Variants in ACP6 observed in about 807,000 individuals in gnomAD.
ACP6 encodes acid phosphatase 6, lysophosphatidic, also known as lysophosphatidic acid phosphatase type 6.
ACP6 carries 48 observed loss-of-function variants against 48.1 expected under a neutral mutation model. The observed-to-expected ratio is 1.00, with a 90% CI of 0.79 to 1.27. ACP6 has a LOEUF of 1.27. Ranked by LOEUF, ACP6 falls within the 50% of genes most tolerant of loss-of-function variation. ACP6 has a pLI of 0.00. For missense variants in ACP6, 485 were observed against 529.1 expected, an observed-to-expected ratio of 0.92 and a Z score of 0.82; for synonymous variants, 172 against 204.2, an observed-to-expected ratio of 0.84 and a Z score of 1.34.
rs1659560501 is a variant in ACP6, at chr1:147,644,697, A to C, written c.*2726T>G. The C allele has an allele frequency of 6.6e-6, 1 of 152,246 alleles. No individual in the cohort carries two copies. The highest frequency in any genetic ancestry group is 2.4e-5 in the African/African-American group (1 of 41,460). The allele number at this position is 152,246 out of a possible 1,614,324, so 9.4% of individuals were successfully genotyped here. A position where few individuals can be genotyped will look rare whatever the true frequency, so the allele number is the denominator to read the frequency against. ...AGTAGAGGTAGGATATGAGAAAAAGAGGGGAGTCAAGGGCAGTTCTAAAGT... is the reference window on the plus strand; with the variant it reads ...AGTAGAGGTAGGATATGAGAAAAAGCGGGGAGTCAAGGGCAGTTCTAAAGT... On this transcript the variant is annotated 3_prime_UTR_variant, in exon 10 of 10. Coordinates refer to ENST00000583509, the MANE Select transcript of ACP6 (RefSeq NM_016361.5).
At chr1:147,661,010 G>A (rs1660519832) in intron 1 of ACP6, among the ~76,000 whole-genome samples, 1 of 152,190 alleles carries the variant, frequency 6.6e-6, no homozygotes, top group Admixed American at 6.5e-5. Flanking sequence ...CATTGAGCAA[G>A]TCTATCAGTG....
chr1:147,662,088 C>T (rs1553212879), intron 1 of ACP6, among the ~76,000 whole-genome samples: 1 of 152,216 alleles, frequency 6.6e-6, no homozygotes, highest in Admixed American at 6.5e-5. Context: ...CTGTTTACAG[C>T]ATGGTCTACT....
intron 6 of ACP6, among the ~76,000 whole-genome samples, chr1:147,653,346 G>C (rs1223545772): frequency 6.6e-6 from 1 of 151,702 alleles, no homozygotes; most frequent in Non-Finnish European, 1.5e-5. Context: ...GGCCAGGCTG[G>C]TCTCGAACTC....
chr1:147,657,370 T>C (rs981091582), intron 4 of ACP6, among the ~76,000 whole-genome samples: 2 of 152,188 alleles, frequency 1.3e-5, no homozygotes, highest in Non-Finnish European at 2.9e-5. Context: ...CCTAAAGCAA[T>C]ATCCCAAAGT....
At chr1:147,636,467 T>C (rs782413047) in intron 5 of ACP6, among the ~76,000 whole-genome samples, 13 of 152,162 alleles carry the variant, frequency 8.5e-5, no homozygotes, top group Non-Finnish European at 1.6e-4. Flanking sequence ...AAAGGTGCCA[T>C]GTGTGATGAA....
At chr1:147,663,014 G>A (rs587637311) in intron 1 of ACP6, among the ~76,000 whole-genome samples, 1 of 152,268 alleles carries the variant, frequency 6.6e-6, no homozygotes, top group African/African-American at 2.4e-5. Flanking sequence ...GAAGGCTCAG[G>A]TAATCACTAG....
intron 3 of ACP6, 101 bp downstream of exon 3, chr1:147,659,295 C>A: frequency 6.7e-7 from 1 of 1,485,784 alleles, no homozygotes; most frequent in Non-Finnish European, 9.1e-7. Context: ...GTCCCCCAAA[C>A]TACCTTGGGT....
chr1:147,664,378 T>A (rs782573852), intron 1 of ACP6, among the ~76,000 whole-genome samples: 31 of 152,186 alleles, frequency 2.0e-4, no homozygotes, highest in Non-Finnish European at 4.0e-4. Context: ...TTCATGGCCT[T>A]TCAGTATCAT....
chr1:147,662,611 C>T lies in ACP6; in HGVS notation c.220-2836G>A, dbSNP rs1256346612. On this transcript the variant is annotated intron_variant, in intron 1 of 9. Coordinates refer to ENST00000583509, the MANE Select transcript of ACP6 (RefSeq NM_016361.5). ...AGTTCTGACTGAATTGCTGCAATCT[C>T]ATGATAAAACTTGAATGCATGAGAA... 2.0e-5 allele frequency among the ~76,000 whole-genome samples: 3 copies of T among 152,208 alleles called. No individual in the cohort carries two copies. The East Asian group carries it at 5.8e-4, about 29-fold the overall frequency.
downstream of ACP6, among the ~76,000 whole-genome samples, chr1:147,640,318 G>A (rs1209212640): frequency 6.6e-6 from 1 of 151,966 alleles, no homozygotes; most frequent in African/African-American, 2.4e-5. Context: ...CCTTCATGTG[G>A]CTTAAACACC....
chr1:147,647,749 A>C (rs1659697248), intron 9 of ACP6, 183 bp from the exon 10 acceptor site: 1 of 791,248 alleles, frequency 1.3e-6, no homozygotes, highest in African/African-American at 1.7e-5. Flanking sequence ...TGCTTGTAAA[A>C]GTCACTCAAA....
At chr1:147,665,461 T>C (rs927462862) in intron 1 of ACP6, among the ~76,000 whole-genome samples, 1 of 152,238 alleles carries the variant, frequency 6.6e-6, no homozygotes, top group Non-Finnish European at 1.5e-5. Context: ...AGCCTTGTAA[T>C]GGAGATATTC....
chr1:147,652,123 T>C (rs1206518361), intron 7 of ACP6: 5 of 257,430 alleles, frequency 1.9e-5, no homozygotes, highest in Non-Finnish European at 3.7e-5. Context: ...ACATGATGAC[T>C]AAAGACAGAA....
chr1:147,664,478 T>G (rs1441114740), intron 1 of ACP6, among the ~76,000 whole-genome samples: 2 of 152,216 alleles, frequency 1.3e-5, no homozygotes, highest in African/African-American at 4.8e-5. Flanking sequence ...CCCAGAAACC[T>G]TGGTCATGGC....
chr1:147,646,177 T>C lies in ACP6; in HGVS notation c.*1246A>G, dbSNP rs1163526704. 1 of 152,170 alleles carries C rather than the reference T, an allele frequency of 6.6e-6. No homozygotes were observed. Among genetic ancestry groups the C allele is most frequent in the Non-Finnish European group, 1.5e-5 (1 of 68,024 alleles). 9.4% of individuals were successfully genotyped at this position (152,170 alleles called of 1,614,324 possible). ...ATAGATTAAAGAAATAAACAGGTAGTATTGATAAAACTTAACTGATTAGAC... is the reference window on the plus strand; with the variant it reads ...ATAGATTAAAGAAATAAACAGGTAGCATTGATAAAACTTAACTGATTAGAC... On this transcript the variant is annotated 3_prime_UTR_variant, in exon 10 of 10. Transcript: ENST00000583509.
chr1:147,637,850 A>G (rs189884151), downstream of ACP6, among the ~76,000 whole-genome samples: 6 of 152,324 alleles, frequency 3.9e-5, no homozygotes, highest in African/African-American at 1.4e-4. Flanking sequence ...TCATTCAATT[A>G]GTCATCCAGT....
At chr1:147,635,798 G>T (rs1395765061) in intron 5 of ACP6, among the ~76,000 whole-genome samples, 1 of 152,220 alleles carries the variant, frequency 6.6e-6, no homozygotes, top group Non-Finnish European at 1.5e-5. Context: ...AGTCATGAGG[G>T]ATTGGCACAG....
chr1:147,644,239 A>T lies in ACP6; in HGVS notation c.*3184T>A, dbSNP rs1207861405. The T allele has an allele frequency of 6.6e-6, 1 of 152,260 alleles. No homozygotes were observed. Among genetic ancestry groups the T allele is most frequent in the Non-Finnish European group, 1.5e-5 (1 of 68,052 alleles). 9.4% of individuals were successfully genotyped at this position (152,260 alleles called of 1,614,324 possible). ...ATTAGCTTGATTTAATCATTCCCTC[A>T]TGCATACATATATCAAAACATCACA... On this transcript the variant is annotated 3_prime_UTR_variant, in exon 10 of 10. Transcript: ENST00000583509.
chr1:147,641,688 C>T (rs1659456823), downstream of ACP6, among the ~76,000 whole-genome samples: 1 of 152,142 alleles, frequency 6.6e-6, no homozygotes, highest in South Asian at 2.1e-4. Context: ...ATTTTCCATC[C>T]TCAGGACAAA....
Sources: gnomAD v4.1 joint callset for allele counts (sites outside exome capture counted in the v4.1 genomes callset) on GRCh38, gnomAD v4.1.1 for gene constraint, MANE v1.5 for transcripts, NCBI Gene and HGNC (gene_info 2026-07-23, HGNC 2026-07-21) for gene names.